Variants in TLE3 observed in about 807,000 individuals in gnomAD.
TLE3 encodes TLE family member 3, transcriptional corepressor.
A neutral mutation model predicts 93.0 loss-of-function variants in TLE3; 14 were observed. The observed-to-expected ratio is 0.15, with a 90% CI of 0.10 to 0.24. TLE3 has a LOEUF of 0.24. Ranked by LOEUF, TLE3 falls within the 10% of genes least tolerant of loss-of-function variation. The pLI, the probability that TLE3 is intolerant of heterozygous loss-of-function variation, is 1.00. For synonymous variants in TLE3, 451 were observed against 425.0 expected (o/e 1.06, Z -0.75); for missense variants, 693 against 1,046.6 (o/e 0.66, Z 4.66).
chr15:70,052,970 GAGGACAAA>G, intron 17 of TLE3: 1 of 457,092 alleles, frequency 2.2e-6, no homozygotes, highest in Non-Finnish European at 3.9e-6. Flanking sequence ...TGAGGACGCC[GAGGACAAA>G]GTGCTCAATA....
chr15:70,051,881 C>T (rs931658988), intron 18 of TLE3, among the ~76,000 whole-genome samples: 1 of 152,214 alleles, frequency 6.6e-6, no homozygotes, highest in South Asian at 2.1e-4. Flanking sequence ...CAAGCAGGAA[C>T]TCGGCCAGGG....
chr15:70,065,982 C>T (rs746240895), intron 7 of TLE3, 32 bp downstream of exon 7: 12 of 1,450,818 alleles, frequency 8.3e-6, no homozygotes, highest in Admixed American at 1.7e-5. Context: ...CACCCCTGCC[C>T]CGCCCCACCC....
intron 13 of TLE3, 69 bp downstream of exon 13, chr15:70,057,390 C>T (rs2141475439): frequency 6.6e-7 from 1 of 1,504,886 alleles, no homozygotes; most frequent in Non-Finnish European, 8.9e-7. Context: ...ATGTGGGGAG[C>T]ACCCGTCCAA....
chr15:70,055,987 G>T, intron 14 of TLE3: 1 of 473,990 alleles, frequency 2.1e-6, no homozygotes, highest in Non-Finnish European at 3.9e-6. Flanking sequence ...AGTCGGCAAG[G>T]CCCACCACAG....
At chr15:70,076,883 TA>T (rs1216218034) in intron 4 of TLE3, among the ~76,000 whole-genome samples, 5 of 152,042 alleles carry the variant, frequency 3.3e-5, no homozygotes, top group African/African-American at 1.2e-4. Context: ...CACTCCCAGC[TA>T]ATTTTTGTAT....
At chr15:70,053,491 T>G in intron 16 of TLE3, 117 bp from the exon 17 acceptor site, 1 of 1,218,288 alleles carries the variant, frequency 8.2e-7, no homozygotes, top group African/African-American at 1.5e-5. Context: ...GAGTGCACTA[T>G]GCGCATGGTC....
Position 70,096,929 on chromosome 15 carries a change from A to AG in TLE3, c.-132dup. On this transcript the variant is annotated 5_prime_UTR_variant, in exon 1 of 20. Coordinates refer to ENST00000451782, the MANE Select transcript of TLE3 (RefSeq NM_001105192.3). The stretch of plus-strand genomic sequence containing the variant: ...CCGAGAGCTCGCCCCCGGCCCCCCC[A>AG]GCTCGTTCTCGCAGCGAAATCCCAG... 1 of 1,038,920 alleles carries AG rather than the reference A, an allele frequency of 9.6e-7. No homozygotes were observed. Among genetic ancestry groups the AG allele is most frequent in the East Asian group, 2.7e-5 (1 of 36,898 alleles). The allele number at this position is 1,038,920 out of a possible 1,614,324, so 64.4% of individuals were successfully genotyped here. A position where few individuals can be genotyped will look rare whatever the true frequency, so the allele number is the denominator to read the frequency against.
intron 1 of TLE3, 61 bp from the exon 2 acceptor site, chr15:70,096,322 GC>G: frequency 6.5e-7 from 1 of 1,531,782 alleles, no homozygotes; most frequent in Non-Finnish European, 8.8e-7. Flanking sequence ...GCTCAGAGCG[GC>G]CCCGGCCCCT....
intron 6 of TLE3, 51 bp from the exon 7 acceptor site, chr15:70,066,269 G>C: frequency 7.0e-7 from 1 of 1,426,036 alleles, no homozygotes; most frequent in Non-Finnish European, 9.3e-7. Context: ...GGCAGGGGAG[G>C]CGTGGCCACC....
chr15:70,064,324 G>GA (rs1233429372), intron 8 of TLE3, 130 bp downstream of exon 8: 2 of 1,100,268 alleles, frequency 1.8e-6, no homozygotes, highest in Admixed American at 4.4e-5. Context: ...CCACAGAGCA[G>GA]AAGCGGGAAC....
rs756687193 is a variant in TLE3, at chr15:70,058,335, A to G, written c.919-44T>C. The G allele has an allele frequency of 6.4e-7, 1 of 1,555,518 alleles. No homozygotes were observed. Among genetic ancestry groups the G allele is most frequent in the South Asian group, 1.2e-5 (1 of 81,312 alleles). ...GAACAAGGGAGGCCATGAGGCTTCC[A>G]TTCTCCTAGGAGCCGGGCACAACTG... On this transcript the variant is annotated intron_variant, in intron 11 of 19. Transcript: ENST00000451782. This position sits in a 1 kb window ranked among gnomAD's most constrained non-coding sequence, Gnocchi z 4.1.
At chr15:70,092,277 A>G (rs779454487) in intron 4 of TLE3, among the ~76,000 whole-genome samples, 1 of 152,342 alleles carries the variant, frequency 6.6e-6, no homozygotes, top group South Asian at 2.1e-4. Flanking sequence ...TCAGGGTTGC[A>G]TTTCACGGCA....
At chr15:70,053,414 C>G in intron 16 of TLE3, 40 bp from the exon 17 acceptor site, 1 of 1,571,868 alleles carries the variant, frequency 6.4e-7, no homozygotes, top group Non-Finnish European at 8.7e-7. Flanking sequence ...GTCCCGGGAA[C>G]CACAGACTGC....
Position 70,057,612 on chromosome 15 carries a change from C to A in TLE3, c.1098G>T (p.Ala366=). 1 of 1,591,210 alleles carries A rather than the reference C, an allele frequency of 6.3e-7. No homozygotes were observed. The highest frequency in any genetic ancestry group is 8.5e-7 in the Non-Finnish European group (1 of 1,171,190). ...CATGGTGGCTCATCATGGCGAAGGGCGCCGCATAGGAGCTGGTGATGGAGA... is the reference window on the plus strand; with the variant it reads ...CATGGTGGCTCATCATGGCGAAGGGAGCCGCATAGGAGCTGGTGATGGAGA... The part of the protein sequence containing the change: ...TPISITSSYA[A]PFAMMSHHEM... Residue 366 remains alanine (A), a synonymous_variant, in exon 13 of 20, where the codon GCG becomes GCT. Coordinates refer to ENST00000451782, the MANE Select transcript of TLE3 (RefSeq NM_001105192.3).
At chr15:70,074,878 CCACA>C (rs1405688181) in intron 5 of TLE3, among the ~76,000 whole-genome samples, 1 of 152,146 alleles carries the variant, frequency 6.6e-6, no homozygotes, top group African/African-American at 2.4e-5. Context: ...TATTAGTCAA[CCACA>C]CACACACAAA....
chr15:70,092,220 CT>C (rs1567058005), intron 4 of TLE3, among the ~76,000 whole-genome samples: 1 of 152,242 alleles, frequency 6.6e-6, no homozygotes, highest in African/African-American at 2.4e-5. Context: ...GCAGGGCTTT[CT>C]TCTACAGAAC....
intron 6 of TLE3, chr15:70,066,871 C>T (rs774495832): frequency 5.4e-5 from 18 of 332,616 alleles, no homozygotes; most frequent in Middle Eastern, 4.0e-4. Flanking sequence ...GAAATCCCAG[C>T]TCTGGCACTT....
intron 6 of TLE3, among the ~76,000 whole-genome samples, chr15:70,067,959 G>T (rs1490834901): frequency 6.6e-6 from 1 of 152,174 alleles, no homozygotes; most frequent in Non-Finnish European, 1.5e-5. Flanking sequence ...AGACACTATG[G>T]CAGACACAAA....
At chr15:70,081,521 T>TA (rs2057778271) in intron 4 of TLE3, among the ~76,000 whole-genome samples, 1 of 152,232 alleles carries the variant, frequency 6.6e-6, no homozygotes, top group African/African-American at 2.4e-5. Context: ...ATCATACTTC[T>TA]AAGTGTCAAG....
Sources: gnomAD v4.1 joint callset for allele counts (sites outside exome capture counted in the v4.1 genomes callset) on GRCh38, gnomAD v4.1.1 for gene constraint, Gnocchi (gnomAD v3.1) non-coding constraint, MANE v1.5 for transcripts, NCBI Gene and HGNC (gene_info 2026-07-23, HGNC 2026-07-21) for gene names.